The following DRD5 variants were observed in gnomAD, a reference collection of about 807,000 sequenced individuals.
DRD5 encodes the protein dopamine receptor D5, also known as D(1B) dopamine receptor.
For synonymous variants in DRD5, 327 were observed against 277.1 expected, an observed-to-expected ratio of 1.18 and a Z score of -1.79; for missense variants, 758 against 657.8, an observed-to-expected ratio of 1.15 and a Z score of -1.67.
rs1197329896 is a variant in DRD5 at position 9,782,423 on chromosome 4, T to C, written c.394T>C (p.Cys132Arg). ...CTCCACTGCCTCCATCCTGAACCTG[T>C]GCGTCATCAGCGTGGACCGCTACTG... Reference protein sequence around the residue: ...MCSTASILNLCVISVDRYWAI... With the variant: ...MCSTASILNLRVISVDRYWAI... The change falls in exon 1 of 1, where the codon TGC becomes CGC. Residue 132 changes from cysteine to arginine, a missense_variant. By Grantham distance (180) the Cys-to-Arg change is radical (BLOSUM62 -3). Transcript: ENST00000304374. 3.1e-6 allele frequency: 5 copies of C among 1,614,030 alleles called. No individual in the cohort carries two copies. In the South Asian group the frequency reaches 4.4e-5, roughly 14 times the overall value.
Position 9,783,018 on chromosome 4 carries a change from C to T in DRD5, c.989C>T (p.Pro330Leu), listed in dbSNP as rs1800762. ...TGCAGTGGACACCCCGAAGGCCCTC[C>T]GGCCGGCTTCCCCTGCGTCAGTGAG... ...PFCSGHPEGP[P>L]AGFPCVSETT... The change falls in exon 1 of 1, where the codon CCG becomes CTG. Residue 330 changes from proline (P) to leucine (L), a missense_variant. Coordinates refer to ENST00000304374, the MANE Select transcript of DRD5 (RefSeq NM_000798.5). 1.2e-5 allele frequency: 19 copies of T among 1,614,094 alleles called. No individual in the cohort carries two copies. The highest frequency in any genetic ancestry group is 9.3e-5 in the African/African-American group (7 of 74,952).
chr4:9,783,417 T>A lies in DRD5; in HGVS notation c.1388T>A (p.Ile463Asn). The change falls in exon 1 of 1, where the codon ATT (isoleucine) becomes AAT (asparagine). Residue 463 changes from isoleucine (I) to asparagine (N), a missense_variant. Coordinates refer to ENST00000304374, the MANE Select transcript of DRD5 (RefSeq NM_000798.5). ...SVWELDCEGEISLDKITPFTP... is the reference protein window; with the variant it reads ...SVWELDCEGENSLDKITPFTP... Reference sequence around the variant, plus strand: ...TGGGAGCTGGACTGCGAGGGGGAGATTTCTTTAGACAAAATAACACCTTTC... The same window carrying A: ...TGGGAGCTGGACTGCGAGGGGGAGAATTCTTTAGACAAAATAACACCTTTC... 6.2e-7 allele frequency: 1 copy of A among 1,613,842 alleles called. No homozygotes were observed. Among genetic ancestry groups the A allele is most frequent in the Non-Finnish European group, 8.5e-7 (1 of 1,179,834 alleles).
rs776907638 is a variant in DRD5, at chr4:9,782,426, G to A, written c.397G>A (p.Val133Ile). 2 of 1,614,016 alleles carry A rather than the reference G, an allele frequency of 1.2e-6. No homozygotes were observed. Among genetic ancestry groups the A allele is most frequent in the Non-Finnish European group, 1.7e-6 (2 of 1,179,870 alleles). The change falls in exon 1 of 1, where the codon GTC becomes ATC. Residue 133 changes from valine to isoleucine, a missense_variant. Val to Ile is a conservative substitution (Grantham distance 29). Coordinates refer to ENST00000304374, the MANE Select transcript of DRD5 (RefSeq NM_000798.5). ...CSTASILNLC[V>I]ISVDRYWAIS... ...CACTGCCTCCATCCTGAACCTGTGCGTCATCAGCGTGGACCGCTACTGGGC... is the reference window on the plus strand; with the variant it reads ...CACTGCCTCCATCCTGAACCTGTGCATCATCAGCGTGGACCGCTACTGGGC...
At position 9,783,658 on chromosome 4, in the gene DRD5, A is replaced by G. The variant is rs191141694; in HGVS notation, c.*195A>G. ...TGGCAGAAGCAGTTGCAATAAACTC[A>G]GTCAAATGTACCCAGCCTACCAGAG... On this transcript the variant is annotated 3_prime_UTR_variant, in exon 1 of 1. Transcript: ENST00000304374. The G allele has an allele frequency of 6.6e-6, 4 of 610,542 alleles. No homozygotes were observed. Among genetic ancestry groups the G allele is most frequent in the South Asian group, 4.4e-5 (2 of 45,026 alleles). 37.8% of individuals were successfully genotyped at this position (610,542 alleles called of 1,614,324 possible).
Position 9,781,984 on chromosome 4 carries a change from C to T in DRD5, c.-46C>T. ...ATGGGGCTGCCTGGGGGTCGCAGGGCTGAAGTTGGGACCGCGCACAGACCG... is the reference window on the plus strand; with the variant it reads ...ATGGGGCTGCCTGGGGGTCGCAGGGTTGAAGTTGGGACCGCGCACAGACCG... On this transcript the variant is annotated 5_prime_UTR_variant, in exon 1 of 1. Coordinates refer to ENST00000304374, the MANE Select transcript of DRD5 (RefSeq NM_000798.5). 2 of 1,394,058 alleles carry T rather than the reference C, an allele frequency of 1.4e-6. No homozygotes were observed. The highest frequency in any genetic ancestry group is 2.9e-5 in the African/African-American group (2 of 68,412). 86.4% of individuals were successfully genotyped at this position (1,394,058 alleles called of 1,614,324 possible).
chr4:9,783,097 C>T lies in DRD5; in HGVS notation c.1068C>T (p.Pro356=), dbSNP rs747104610. 3.6e-5 allele frequency: 58 copies of T among 1,614,112 alleles called. No homozygotes were observed. Among genetic ancestry groups the T allele is most frequent in the South Asian group, 3.2e-4 (29 of 91,088 alleles). The change falls in exon 1 of 1, where the codon CCC becomes CCT. Residue 356 remains proline, a synonymous_variant. Transcript: ENST00000304374. ...WFGWANSSLN[P]VIYAFNADFQ... is the part of the protein sequence containing the mutation. ...GCTGGGCTAACTCCTCACTCAACCCCGTCATCTATGCCTTCAACGCCGACT... is the reference window on the plus strand; with the variant it reads ...GCTGGGCTAACTCCTCACTCAACCCTGTCATCTATGCCTTCAACGCCGACT...
At position 9,783,968 on chromosome 4, in the gene DRD5, C is replaced by G. The variant is rs1314840995; in HGVS notation, c.*505C>G. ...CTCTTTACCATAGCTTAAGAAGTAT[C>G]CCTGATTTATTCTGGTGTCTAATAA... On this transcript the variant is annotated 3_prime_UTR_variant, in exon 1 of 1. Transcript: ENST00000304374. The G allele has an allele frequency of 5.9e-6, 1 of 168,898 alleles. No homozygotes were observed. Among genetic ancestry groups the G allele is most frequent in the African/African-American group, 2.4e-5 (1 of 41,418 alleles). The allele number at this position is 168,898 out of a possible 1,614,324, so 10.5% of individuals were successfully genotyped here. A position where few individuals can be genotyped will look rare whatever the true frequency, so the allele number is the denominator to read the frequency against.
chr4:9,783,358 G>A lies in DRD5; in HGVS notation c.1329G>A (p.Thr443=). 1.2e-6 allele frequency: 2 copies of A among 1,614,208 alleles called. No homozygotes were observed. The highest frequency in any genetic ancestry group is 8.5e-7 in the Non-Finnish European group (1 of 1,180,040). Residue 443 remains threonine, a synonymous_variant, in exon 1 of 1, where the codon ACG becomes ACA. Coordinates refer to ENST00000304374, the MANE Select transcript of DRD5 (RefSeq NM_000798.5). ...PFDRMFQIYQ[T]SPDGDPVAES... ...ATCGCATGTTCCAGATCTATCAGAC[G>A]TCCCCAGATGGTGACCCTGTTGCTG...
rs191825696 is a variant in DRD5, at chr4:9,782,095, G to C, written c.66G>C (p.Ala22=). ...AGTTCGCTCTATACCAGCAGCTGGC[G>C]CAGGGGAACGCCGTGGGGGGCTCGG... ...PGQFALYQQL[A]QGNAVGGSAG... Residue 22 remains alanine, a synonymous_variant, in exon 1 of 1, where the codon GCG becomes GCC. Coordinates refer to ENST00000304374, the MANE Select transcript of DRD5 (RefSeq NM_000798.5). The C allele has an allele frequency of 1.3e-6, 2 of 1,528,630 alleles. No homozygotes were observed. Among genetic ancestry groups the C allele is most frequent in the Non-Finnish European group, 1.8e-6 (2 of 1,139,426 alleles). 94.7% of individuals were successfully genotyped at this position (1,528,630 alleles called of 1,614,324 possible).
In DRD5 at chr4:9,782,097, A is replaced by T. The variant is rs766183341; in HGVS notation, c.68A>T (p.Gln23Leu). 2.0e-6 allele frequency: 3 copies of T among 1,529,772 alleles called. No individual in the cohort carries two copies. The highest frequency in any genetic ancestry group is 2.6e-6 in the Non-Finnish European group (3 of 1,140,028). The allele number at this position is 1,529,772 out of a possible 1,614,324, so 94.8% of individuals were successfully genotyped here. The change falls in exon 1 of 1, where the codon CAG (glutamine) becomes CTG (leucine). Residue 23 changes from glutamine to leucine, a missense_variant. By Grantham distance (113) the Gln-to-Leu change is moderately radical. Transcript: ENST00000304374. ...GQFALYQQLA[Q>L]GNAVGGSAGA... ...TTCGCTCTATACCAGCAGCTGGCGC[A>T]GGGGAACGCCGTGGGGGGCTCGGCG...
Position 9,782,104 on chromosome 4 carries a change from C to A in DRD5, c.75C>A (p.Asn25Lys), listed in dbSNP as rs758502580. The A allele has an allele frequency of 2.6e-6, 4 of 1,535,920 alleles. No homozygotes were observed. In the Admixed American group the frequency reaches 7.9e-5, roughly 30 times the overall value. Residue 25 changes from asparagine to lysine, a missense_variant, in exon 1 of 1, where the codon AAC becomes AAA. Physicochemically the swap from Asn to Lys is moderately conservative, Grantham distance 94. Coordinates refer to ENST00000304374, the MANE Select transcript of DRD5 (RefSeq NM_000798.5). ...FALYQQLAQG[N>K]AVGGSAGAPP... ...TATACCAGCAGCTGGCGCAGGGGAA[C>A]GCCGTGGGGGGCTCGGCGGGGGCAC... is the stretch of plus-strand genomic sequence containing the variant.
chr4:9,783,201 A>G lies in DRD5; in HGVS notation c.1172A>G (p.Asn391Ser). The G allele has an allele frequency of 1.9e-6, 3 of 1,614,160 alleles. No individual in the cohort carries two copies. Among genetic ancestry groups the G allele is most frequent in the Non-Finnish European group, 2.5e-6 (3 of 1,180,026 alleles). ...CCGGTGGAGACGGTGAACATCAGCA[A>G]TGAGCTCATCTCCTACAACCAAGAC... ...RTPVETVNIS[N>S]ELISYNQDIV... The change falls in exon 1 of 1, where the codon AAT becomes AGT. Residue 391 changes from asparagine to serine, a missense_variant. Asn to Ser is a conservative substitution (Grantham distance 46). Transcript: ENST00000304374.
chr4:9,783,256 C>T lies in DRD5; in HGVS notation c.1227C>T (p.Ala409=). Residue 409 remains alanine, a synonymous_variant, in exon 1 of 1, where the codon GCC becomes GCT. Coordinates refer to ENST00000304374, the MANE Select transcript of DRD5 (RefSeq NM_000798.5). ...DIVFHKEIAA[A]YIHMMPNAVT... is the part of the protein sequence containing the mutation. ...TCTTCCACAAGGAAATCGCAGCTGC[C>T]TACATCCACATGATGCCCAACGCCG... 1 of 1,614,208 alleles carries T rather than the reference C, an allele frequency of 6.2e-7. No homozygotes were observed. Among genetic ancestry groups the T allele is most frequent in the South Asian group, 1.1e-5 (1 of 91,090 alleles).
In DRD5 at chr4:9,782,631, C is replaced by A. The variant is rs1718618947; in HGVS notation, c.602C>A (p.Thr201Lys). The change falls in exon 1 of 1, where the codon ACG becomes AAG. Residue 201 changes from threonine to lysine, a missense_variant. Coordinates refer to ENST00000304374, the MANE Select transcript of DRD5 (RefSeq NM_000798.5). ...LDLPNNLANW[T>K]PWEEDFWEPD... ...CTGCCAAACAACCTGGCCAACTGGA[C>A]GCCCTGGGAGGAGGACTTTTGGGAG... The A allele has an allele frequency of 1.2e-6, 2 of 1,613,888 alleles. No individual in the cohort carries two copies. The highest frequency in any genetic ancestry group is 1.7e-5 in the Admixed American group (1 of 60,002).
At position 9,783,819 on chromosome 4, in the gene DRD5, G is replaced by C. The variant is rs1718853517; in HGVS notation, c.*356G>C. ...CTTGTTCAGTCACTTGTTTGTGTTT[G>C]AATTGATTTTTAAACAGCAGGTTGT... On this transcript the variant is annotated 3_prime_UTR_variant, in exon 1 of 1. Transcript: ENST00000304374. 1 of 221,900 alleles carries C rather than the reference G, an allele frequency of 4.5e-6. No individual in the cohort carries two copies. Among genetic ancestry groups the C allele is most frequent in the Non-Finnish European group, 9.7e-6 (1 of 102,726 alleles). The allele number at this position is 221,900 out of a possible 1,614,324, so 13.7% of individuals were successfully genotyped here.
Position 9,783,020 on chromosome 4 carries a change from G to T in DRD5, c.991G>T (p.Ala331Ser). 6.2e-7 allele frequency: 1 copy of T among 1,614,220 alleles called. No homozygotes were observed. Among genetic ancestry groups the T allele is most frequent in the Non-Finnish European group, 8.5e-7 (1 of 1,180,038 alleles). The change falls in exon 1 of 1, where the codon GCC becomes TCC. Residue 331 changes from alanine (A) to serine (S), a missense_variant. Transcript: ENST00000304374. ...FCSGHPEGPP[A>S]GFPCVSETTF... is the part of the protein sequence containing the mutation. ...CAGTGGACACCCCGAAGGCCCTCCG[G>T]CCGGCTTCCCCTGCGTCAGTGAGAC...
rs1718567408 is a variant in DRD5, at chr4:9,782,435, G to T, written c.406G>T (p.Val136Leu). Residue 136 changes from valine to leucine, a missense_variant, in exon 1 of 1, where the codon GTG (valine) becomes TTG (leucine). By Grantham distance (32) the Val-to-Leu change is conservative. Transcript: ENST00000304374. ...CATCCTGAACCTGTGCGTCATCAGC[G>T]TGGACCGCTACTGGGCCATCTCCAG... Reference protein sequence around the residue: ...ASILNLCVISVDRYWAISRPF... With the variant: ...ASILNLCVISLDRYWAISRPF... 2.5e-6 allele frequency: 4 copies of T among 1,613,904 alleles called. No individual in the cohort carries two copies. Among genetic ancestry groups the T allele is most frequent in the Non-Finnish European group, 3.4e-6 (4 of 1,179,878 alleles).
In DRD5 at chr4:9,782,352, C is replaced by A; in HGVS notation, c.323C>A (p.Pro108His). The A allele has an allele frequency of 6.2e-7, 1 of 1,614,040 alleles. No homozygotes were observed. The highest frequency in any genetic ancestry group is 8.5e-7 in the Non-Finnish European group (1 of 1,179,882). ...KAVAEVAGYW[P>H]FGAFCDVWVA... ...GTCGCCGAGGTGGCCGGTTACTGGC[C>A]CTTTGGAGCGTTCTGCGACGTCTGG... is the stretch of plus-strand genomic sequence containing the variant. Residue 108 changes from proline to histidine, a missense_variant, in exon 1 of 1, where the codon CCC (proline) becomes CAC (histidine). Pro to His is a moderately conservative substitution (Grantham distance 77, BLOSUM62 -2). Coordinates refer to ENST00000304374, the MANE Select transcript of DRD5 (RefSeq NM_000798.5).
rs778933591 is a variant in DRD5, at chr4:9,782,494, C to T, written c.465C>T (p.Arg155=). ...PFRYKRKMTQ[R]MALVMVGLAW... is the part of the protein sequence containing the mutation. ...GCTACAAGCGCAAGATGACTCAGCG[C>T]ATGGCCTTGGTCATGGTCGGCCTGG... The change falls in exon 1 of 1, where the codon CGC becomes CGT. Residue 155 remains arginine, a synonymous_variant. Transcript: ENST00000304374. The T allele has an allele frequency of 3.1e-6, 5 of 1,614,012 alleles. No homozygotes were observed. The highest frequency in any genetic ancestry group is 4.2e-6 in the Non-Finnish European group (5 of 1,179,858).
Sources: gnomAD v4.1 joint callset for allele counts on GRCh38, gnomAD v4.1.1 for gene constraint, MANE v1.5 for transcripts, NCBI Gene and HGNC (gene_info 2026-07-23, HGNC 2026-07-21) for gene names.